The following EPB41L3 variants were observed in gnomAD, a reference collection of about 807,000 sequenced individuals.
The protein encoded by EPB41L3 is band 4.1-like protein 3.
EPB41L3 carries 57 observed loss-of-function variants against 127.1 expected under a neutral mutation model. The ratio of observed to expected loss-of-function variants is 0.45; its 90% CI spans 0.36 to 0.56. EPB41L3 has a LOEUF of 0.56. Among genes scored for constraint, EPB41L3 ranks in the 20% least tolerant of loss-of-function variants. The pLI is 0.00. For synonymous variants in EPB41L3, 572 were observed against 549.5 expected (o/e 1.04, Z -0.57); for missense variants, 1,273 against 1,372.2 (o/e 0.93, Z 1.14).
chr18:5,404,888 T>C (rs531091955), intron 16 of EPB41L3, among the ~76,000 whole-genome samples: 71 of 152,340 alleles, frequency 4.7e-4, no homozygotes, highest in Non-Finnish European at 7.9e-4. Flanking sequence ...CTTAACCAAT[T>C]ACAATAAAAT....
intron 3 of EPB41L3, among the ~76,000 whole-genome samples, chr18:5,591,699 T>A (rs1397980271): frequency 1.3e-5 from 2 of 152,236 alleles, no homozygotes; most frequent in Non-Finnish European, 2.9e-5. Context: ...ATGTGTCATT[T>A]TTCTTTTGTA....
At chr18:5,395,831 C>G in intron 19 of EPB41L3, 124 bp from the exon 20 acceptor site, 1 of 754,532 alleles carries the variant, frequency 1.3e-6, no homozygotes, top group Non-Finnish European at 2.3e-6. Context: ...TTATGCTCTT[C>G]AGAGTCTGAG....
intron 3 of EPB41L3, among the ~76,000 whole-genome samples, chr18:5,566,844 T>C (rs2094213950): frequency 6.6e-6 from 1 of 151,514 alleles, no homozygotes; most frequent in Non-Finnish European, 1.5e-5. Flanking sequence ...CTCACTCTCA[T>C]GCCCAGGCTT....
Position 5,581,478 on chromosome 18 carries a change from T to C in EPB41L3, c.-306+30862A>G, listed in dbSNP as rs978966350. Among the ~76,000 whole-genome samples, 15 of 152,136 alleles carry C rather than the reference T, an allele frequency of 9.9e-5. 1 individual carries two copies. The highest frequency in any genetic ancestry group is 9.2e-4 in the Admixed American group (14 of 15,264). The stretch of plus-strand genomic sequence containing the variant: ...TTTCAATATTTTTTGTTTATGTAAG[T>C]AAGTAGGATGGGTAAGAGTTAGAAA... On this transcript the variant is annotated intron_variant, in intron 3 of 21. Transcript: ENST00000545076.
At position 5,601,194 on chromosome 18, in the gene EPB41L3, C is replaced by G. The variant is rs551715725; in HGVS notation, c.-306+11146G>C. ...AATCACATGTTCAATTATGGTTAAGCAGGACCTGCAGTTAAAAATAGGCTC... is the reference window on the plus strand; with the variant it reads ...AATCACATGTTCAATTATGGTTAAGGAGGACCTGCAGTTAAAAATAGGCTC... On this transcript the variant is annotated intron_variant, in intron 3 of 21. Transcript: ENST00000545076. 2.6e-5 allele frequency among the ~76,000 whole-genome samples: 4 copies of G among 152,252 alleles called. No homozygotes were observed. The East Asian group carries it at 7.7e-4, about 29-fold the overall frequency.
rs542639451 is a variant in EPB41L3, at chr18:5,555,858, C to T, written c.-306+56482G>A. Among the ~76,000 whole-genome samples, 10 of 152,322 alleles carry T rather than the reference C, an allele frequency of 6.6e-5. No individual in the cohort carries two copies. The South Asian group carries it at 1.9e-3, about 28-fold the overall frequency. Reference sequence around the variant, plus strand: ...GCAGCCTCGATGCTGTAAGTGTTCCCTTCCTCCACTCCCGTCGGCCCAGCC... The same window carrying T: ...GCAGCCTCGATGCTGTAAGTGTTCCTTTCCTCCACTCCCGTCGGCCCAGCC... On this transcript the variant is annotated intron_variant, in intron 3 of 21. Coordinates refer to the EPB41L3 transcript ENST00000545076.
At chr18:5,484,250 G>A (rs1449747422) in intron 2 of EPB41L3, among the ~76,000 whole-genome samples, 1 of 150,802 alleles carries the variant, frequency 6.6e-6, no homozygotes, top group Non-Finnish European at 1.5e-5. Flanking sequence ...TGACCAACGA[G>A]TCAGTGAAGA....
At chr18:5,486,618 TCAAA>T (rs2089793337) in intron 2 of EPB41L3, among the ~76,000 whole-genome samples, 1 of 151,936 alleles carries the variant, frequency 6.6e-6, no homozygotes, top group Non-Finnish European at 1.5e-5. Flanking sequence ...TCTAAGGAAC[TCAAA>T]CAACTCAATA....
In EPB41L3 at chr18:5,478,495, T is replaced by C. The variant is rs983781690; in HGVS notation, c.184-57A>G. On this transcript the variant is annotated intron_variant, in intron 2 of 22. Transcript: ENST00000341928. ...TGCAAGGTGGGAAATAAATATTGCA[T>C]TGCTCATGCAATAGCACAAAACTGC... is the stretch of plus-strand genomic sequence containing the variant. 8.4e-6 allele frequency: 13 copies of C among 1,553,424 alleles called. No individual in the cohort carries two copies. The Admixed American group carries it at 1.5e-4, about 18-fold the overall frequency.
chr18:5,394,755 G>A lies in EPB41L3; in HGVS notation c.3192C>T (p.His1064=). The A allele has an allele frequency of 1.2e-6, 2 of 1,614,142 alleles. No individual in the cohort carries two copies. Among genetic ancestry groups the A allele is most frequent in the Non-Finnish European group, 1.7e-6 (2 of 1,180,030 alleles). ...AQAIKEAKEQ[H]PDMSVTKVVV... ...CTACTTTGGTCACTGACATGTCAGGGTGCTGCTCTTTGGCCTCTTTAATTG... is the reference window on the plus strand; with the variant it reads ...CTACTTTGGTCACTGACATGTCAGGATGCTGCTCTTTGGCCTCTTTAATTG... The change falls in exon 22 of 23, where the codon CAC becomes CAT. Residue 1064 remains histidine (H), a synonymous_variant. Transcript: ENST00000341928.
At chr18:5,398,446 G>A (rs1300548496) in intron 16 of EPB41L3, 1 of 433,610 alleles carries the variant, frequency 2.3e-6, no homozygotes, top group East Asian at 3.4e-5. Context: ...CAGGGAGCTG[G>A]AAATAAAATG....
At chr18:5,564,012 A>C (rs2094166658) in intron 3 of EPB41L3, among the ~76,000 whole-genome samples, 1 of 152,172 alleles carries the variant, frequency 6.6e-6, no homozygotes, top group African/African-American at 2.4e-5. Flanking sequence ...TGTCTTGAGG[A>C]AGACCAACAA....
intron 3 of EPB41L3, among the ~76,000 whole-genome samples, chr18:5,593,452 A>C (rs564736410): frequency 6.6e-6 from 1 of 152,234 alleles, no homozygotes; most frequent in South Asian, 2.1e-4. Context: ...GGAGTGTACG[A>C]ATAGGGTGTG....
chr18:5,467,328 A>G (rs1339619800), intron 3 of EPB41L3: 1 of 152,194 alleles, frequency 6.6e-6, no homozygotes, highest in East Asian at 1.9e-4. Flanking sequence ...CCAGAGCTTT[A>G]GCAGTCATTT....
At chr18:5,578,156 T>C (rs926280379) in intron 3 of EPB41L3, among the ~76,000 whole-genome samples, 1 of 152,158 alleles carries the variant, frequency 6.6e-6, no homozygotes, top group African/African-American at 2.4e-5. Context: ...ACAACATTTT[T>C]TTGGTTGTCT....
chr18:5,599,295 G>C (rs2094566333), intron 3 of EPB41L3, among the ~76,000 whole-genome samples: 1 of 152,160 alleles, frequency 6.6e-6, no homozygotes, highest in Non-Finnish European at 1.5e-5. Context: ...CAAAGTGAGA[G>C]CAAACTCTTC....
chr18:5,527,445 C>G (rs2093265350), intron 1 of EPB41L3, among the ~76,000 whole-genome samples: 1 of 151,668 alleles, frequency 6.6e-6, no homozygotes, highest in Admixed American at 6.6e-5. Flanking sequence ...GGGATTTTTT[C>G]ACATTATATT....
intron 16 of EPB41L3, chr18:5,400,424 G>A (rs1290844212): frequency 2.5e-6 from 1 of 397,458 alleles, no homozygotes; most frequent in Non-Finnish European, 5.0e-6. Context: ...AAATACGTGT[G>A]CCTTTAAAAA....
chr18:5,405,571 T>C (rs1274334541), intron 16 of EPB41L3, among the ~76,000 whole-genome samples: 1 of 151,920 alleles, frequency 6.6e-6, no homozygotes, highest in Non-Finnish European at 1.5e-5. Flanking sequence ...TGGTGAATCT[T>C]TTGAGGTCAG....
Sources: gnomAD v4.1 joint callset for allele counts (sites outside exome capture counted in the v4.1 genomes callset) on GRCh38, gnomAD v4.1.1 for gene constraint, MANE v1.5 for transcripts, NCBI Gene and HGNC (gene_info 2026-07-23, HGNC 2026-07-21) for gene names.